Variants in MCCC1 observed in about 807,000 individuals in gnomAD.
The protein encoded by MCCC1 is methylcrotonoyl-CoA carboxylase subunit alpha, mitochondrial.
Under a neutral mutation model 83.8 loss-of-function variants are expected in MCCC1, and 64 were observed. That is an observed-to-expected ratio of 0.76 (90% CI 0.62 to 0.94). The LOEUF is 0.94. MCCC1 is among the 40% of genes least tolerant of loss of function. MCCC1 has a pLI of 0.00. For synonymous variants in MCCC1, 322 were observed against 315.4 expected (o/e 1.02, Z -0.22); for missense variants, 807 against 904.7 (o/e 0.89, Z 1.39).
intron 11 of MCCC1, among the ~76,000 whole-genome samples, chr3:183,041,183 A>C (rs1363632646): frequency 6.6e-6 from 1 of 152,182 alleles, no homozygotes; most frequent in East Asian, 1.9e-4. Flanking sequence ...TTTAGCTTAT[A>C]CTAAGTTTAT....
At chr3:183,034,585 C>G (rs1313635967) in intron 13 of MCCC1, among the ~76,000 whole-genome samples, 1 of 151,864 alleles carries the variant, frequency 6.6e-6, no homozygotes, top group African/African-American at 2.4e-5. Context: ...AAAATTCTAG[C>G]TTCTATTGAA....
intron 3 of MCCC1, among the ~76,000 whole-genome samples, chr3:183,089,383 G>A (rs558611563): frequency 1.3e-5 from 2 of 152,140 alleles, no homozygotes; most frequent in Non-Finnish European, 2.9e-5. Flanking sequence ...GCTGGGCATG[G>A]TGGCTTATGC....
At chr3:183,088,505 C>T (rs893578668) in intron 3 of MCCC1, among the ~76,000 whole-genome samples, 2 of 152,106 alleles carry the variant, frequency 1.3e-5, no homozygotes, top group African/African-American at 4.8e-5. Context: ...TGGTGCCCAG[C>T]CTGTTTTTTA....
intron 16 of MCCC1, among the ~76,000 whole-genome samples, chr3:183,022,129 G>A (rs1222913607): frequency 6.6e-6 from 1 of 152,180 alleles, no homozygotes; most frequent in Non-Finnish European, 1.5e-5. Context: ...CCACTGAGCA[G>A]GGAGATATGC....
At chr3:183,025,616 A>T (rs1193376556) in intron 15 of MCCC1, 139 bp downstream of exon 15, 1 of 802,912 alleles carries the variant, frequency 1.2e-6, no homozygotes, top group Non-Finnish European at 2.1e-6. Flanking sequence ...TTGGGTCTGA[A>T]ATACAAGCAT....
chr3:183,086,739 A>T lies in MCCC1; in HGVS notation c.323T>A (p.Leu108Gln). ...CACTTGAATGATTTTCTCCATAGAT[A>T]GGTAGCTCTGCTGGGAGGGAGCGGG... ...IGPAPSQQSY[L>Q]SMEKIIQVAK... The change falls in exon 4 of 19, where the codon CTA becomes CAA. Residue 108 changes from leucine to glutamine, a missense_variant. By Grantham distance (113) the Leu-to-Gln change is moderately radical (BLOSUM62 -2). Transcript: ENST00000265594. The T allele has an allele frequency of 1.2e-6, 2 of 1,614,194 alleles. No homozygotes were observed. Among genetic ancestry groups the T allele is most frequent in the Non-Finnish European group, 1.7e-6 (2 of 1,180,038 alleles).
intron 15 of MCCC1, among the ~76,000 whole-genome samples, 185 bp downstream of exon 15, chr3:183,025,566 ACAAT>A (rs1441400341): frequency 2.6e-5 from 4 of 152,238 alleles, no homozygotes; most frequent in Non-Finnish European, 5.9e-5. Flanking sequence ...AACTGAGTAA[ACAAT>A]CAGTTAGAAA....
At chr3:183,104,093 G>A (rs372157158), upstream of MCCC1, among the ~76,000 whole-genome samples, 1 of 152,150 alleles carries the variant, frequency 6.6e-6, no homozygotes, top group African/African-American at 2.4e-5. Context: ...GCCCGCAAGC[G>A]CCGCGCGCAG....
chr3:183,017,670 G>A (rs1192675165), intron 17 of MCCC1: 1 of 329,680 alleles, frequency 3.0e-6, no homozygotes, highest in East Asian at 7.3e-5. Context: ...TCAAATCAGA[G>A]GCCTACAGGT....
Position 183,053,619 on chromosome 3 carries a change from A to G in MCCC1, c.874-1379T>C, listed in dbSNP as rs977357999. Among the ~76,000 whole-genome samples, 56 of 151,690 alleles carry G rather than the reference A, an allele frequency of 3.7e-4. 1 individual carries two copies. The highest frequency in any genetic ancestry group is 1.4e-3 in the African/African-American group (56 of 41,428). On this transcript the variant is annotated intron_variant, in intron 8 of 18. Coordinates refer to ENST00000265594, the MANE Select transcript of MCCC1 (RefSeq NM_020166.5). ...CAGGAGTTCGAGACCAGCCTGGCCA[A>G]CATAGTGAAACCCCGTCTCTACTAA...
rs926140925 is a variant in MCCC1, at chr3:183,024,116, G to T, written c.1732-1562C>A. On this transcript the variant is annotated intron_variant, in intron 15 of 18. Transcript: ENST00000265594. Reference sequence around the variant, plus strand: ...AAACACACAATTACCCGGGCATGGTGGTGCATGCCTGTAATCCCAGTTACT... The same window carrying T: ...AAACACACAATTACCCGGGCATGGTTGTGCATGCCTGTAATCCCAGTTACT... Among the ~76,000 whole-genome samples the T allele has an allele frequency of 2.0e-5, 3 of 152,146 alleles. No individual in the cohort carries two copies. In the South Asian group the frequency reaches 6.2e-4, roughly 32 times the overall value.
chr3:183,033,896 A>G, intron 14 of MCCC1, 95 bp downstream of exon 14: 1 of 941,152 alleles, frequency 1.1e-6, no homozygotes, highest in Non-Finnish European at 1.7e-6. Context: ...AAAAAATGTA[A>G]CTGACTGATC....
rs1459688958 is a variant in MCCC1 at position 183,037,345 on chromosome 3, G to A, written c.1467C>T (p.Ile489=). 6.2e-7 allele frequency: 1 copy of A among 1,614,132 alleles called. No homozygotes were observed. The highest frequency in any genetic ancestry group is 2.2e-5 in the East Asian group (1 of 44,862). ...FEAGNVHTDF[I]PQHHKQLLLS... Reference sequence around the variant, plus strand: ...GCAACAACTGTTTGTGGTGTTGAGGGATGAAATCAGTGTGCACGTTCCCAG... The same window carrying A: ...GCAACAACTGTTTGTGGTGTTGAGGAATGAAATCAGTGTGCACGTTCCCAG... Residue 489 remains isoleucine, a synonymous_variant, in exon 13 of 19, where the codon ATC becomes ATT. Coordinates refer to ENST00000265594, the MANE Select transcript of MCCC1 (RefSeq NM_020166.5).
upstream of MCCC1, among the ~76,000 whole-genome samples, chr3:183,101,942 A>C (rs1387530409): frequency 6.6e-6 from 1 of 152,054 alleles, no homozygotes; most frequent in Non-Finnish European, 1.5e-5. Flanking sequence ...CTCCTGAGCC[A>C]GTGAGACCAC....
At chr3:183,022,659 G>A (rs2108441843) in intron 15 of MCCC1, 105 bp from the exon 16 acceptor site, 2 of 1,042,210 alleles carry the variant, frequency 1.9e-6, no homozygotes, top group Non-Finnish European at 2.8e-6. Flanking sequence ...AACATAAAAT[G>A]TGTCTTAAAC....
At chr3:183,097,684 C>T (rs1053465474) in intron 1 of MCCC1, among the ~76,000 whole-genome samples, 3 of 152,184 alleles carry the variant, frequency 2.0e-5, no homozygotes, top group African/African-American at 7.2e-5. Flanking sequence ...AAAATACAGG[C>T]ATGAACCAAG....
chr3:183,074,674 T>C (rs1320814245), intron 4 of MCCC1, among the ~76,000 whole-genome samples: 3 of 152,232 alleles, frequency 2.0e-5, no homozygotes, highest in Admixed American at 1.3e-4. Context: ...GATACTCATA[T>C]GTTGCAGCCA....
At chr3:183,076,907 A>C (rs1328291724) in intron 4 of MCCC1, among the ~76,000 whole-genome samples, 1 of 152,162 alleles carries the variant, frequency 6.6e-6, no homozygotes, top group African/African-American at 2.4e-5. Flanking sequence ...ATAAACCCCC[A>C]GCCCTAGGCA....
chr3:183,051,715 G>C (rs944699953), intron 9 of MCCC1, among the ~76,000 whole-genome samples: 1 of 149,280 alleles, frequency 6.7e-6, no homozygotes, highest in Non-Finnish European at 1.5e-5. Context: ...TGTAACAAAC[G>C]TACCTCTCTG....
Sources: gnomAD v4.1 joint callset for allele counts (sites outside exome capture counted in the v4.1 genomes callset) on GRCh38, gnomAD v4.1.1 for gene constraint, MANE v1.5 for transcripts, NCBI Gene and HGNC (gene_info 2026-07-23, HGNC 2026-07-21) for gene names.